SYN3: variants seen among roughly 807,000 people sequenced by gnomAD.
SYN3 encodes synapsin III, also known as synapsin-3.
A neutral mutation model predicts 65.8 loss-of-function variants in SYN3; 35 were observed. The observed-to-expected ratio is 0.53, with a 90% confidence interval of 0.41 to 0.70. The LOEUF is 0.70. SYN3 is among the 30% of genes least tolerant of loss of function. SYN3 has a pLI of 0.00. For missense variants in SYN3, 680 were observed against 749.0 expected, an observed-to-expected ratio of 0.91 and a Z score of 1.08; for synonymous variants, 270 against 292.9, an observed-to-expected ratio of 0.92 and a Z score of 0.80.
At chr22:32,569,317 AATCT>A (rs66672625) in intron 7 of SYN3, among the ~76,000 whole-genome samples, 39,717 of 140,820 alleles carry the variant, frequency 0.28, 5,642 homozygotes, top group Admixed American at 0.36. Context: ...ATCTATATAA[AATCT>A]ATCTATCTAT....
intron 6 of SYN3, among the ~76,000 whole-genome samples, chr22:32,636,622 T>G (rs1197252189): frequency 6.6e-6 from 1 of 152,182 alleles, no homozygotes; most frequent in Non-Finnish European, 1.5e-5. Flanking sequence ...TAATCATGGC[T>G]GAACACTCAG....
intron 6 of SYN3, among the ~76,000 whole-genome samples, chr22:32,831,681 C>A (rs984148799): frequency 1.3e-5 from 2 of 152,194 alleles, no homozygotes; most frequent in African/African-American, 4.8e-5. Context: ...GAGCAAAAGA[C>A]CTTACTTGGC....
chr22:32,851,987 A>G (rs960718156), intron 6 of SYN3, among the ~76,000 whole-genome samples: 1 of 152,180 alleles, frequency 6.6e-6, no homozygotes, highest in Non-Finnish European at 1.5e-5. Flanking sequence ...GTACTGTACT[A>G]TGAACTGGGG....
Position 32,527,928 on chromosome 22 carries a change from T to C in SYN3, c.1308A>G (p.Pro436=), listed in dbSNP as rs750947617. 1.9e-6 allele frequency: 3 copies of C among 1,577,066 alleles called. No homozygotes were observed. Among genetic ancestry groups the C allele is most frequent in the East Asian group, 2.3e-5 (1 of 42,782 alleles). The change falls in exon 12 of 14, where the codon CCA becomes CCG. Residue 436 remains proline (P), a synonymous_variant. Transcript: ENST00000358763. The part of the protein sequence containing the change: ...GPQLGQPQPR[P]PPQGGPRQAQ... ...CGTCCTGGGTCATACCTTGCGGAGGTGGGCGTGGCTGGGGCTGGCCTAGCT... is the reference window on the plus strand; with the variant it reads ...CGTCCTGGGTCATACCTTGCGGAGGCGGGCGTGGCTGGGGCTGGCCTAGCT...
chr22:32,703,684 T>G (rs1170651248), intron 6 of SYN3, among the ~76,000 whole-genome samples: 4 of 150,704 alleles, frequency 2.7e-5, no homozygotes, highest in Admixed American at 6.6e-5. Context: ...ATGTTCTAAG[T>G]CTCATCCAAA....
At position 32,758,609 on chromosome 22, in the gene SYN3, C is replaced by A. The variant is rs12628034; in HGVS notation, c.711+106306G>T. On this transcript the variant is annotated intron_variant, in intron 6 of 13. Coordinates refer to ENST00000358763, the MANE Select transcript of SYN3 (RefSeq NM_003490.4). ...AGTTTTGAGCCTCAGACTGGCTCTC[C>A]TTGCTCCTCAAGCTTGCAGACAGCC... 7.2e-4 allele frequency among the ~76,000 whole-genome samples: 102 copies of A among 141,392 alleles called. 1 individual carries two copies. The East Asian group carries it at 0.02, about 27-fold the overall frequency. The allele number at this position is 141,392 out of a possible 152,430, so 92.8% of individuals were successfully genotyped here.
intron 6 of SYN3, among the ~76,000 whole-genome samples, chr22:32,810,935 G>T (rs2046899800): frequency 6.6e-6 from 1 of 152,150 alleles, no homozygotes; most frequent in Non-Finnish European, 1.5e-5. Context: ...CTACTCCCAA[G>T]CTTGGGCAGG....
At chr22:33,001,774 G>A (rs1022905701) in intron 2 of SYN3, among the ~76,000 whole-genome samples, 1 of 152,114 alleles carries the variant, frequency 6.6e-6, no homozygotes, top group Non-Finnish European at 1.5e-5. Flanking sequence ...TTCCCATTTA[G>A]GTGCAGTAAT....
intron 1 of SYN3, among the ~76,000 whole-genome samples, chr22:33,024,896 C>T (rs1338695306): frequency 2.0e-5 from 3 of 152,304 alleles, no homozygotes; most frequent in East Asian, 3.9e-4. Context: ...TGAATTACTG[C>T]AGTCCTAAAG....
intron 13 of SYN3, chr22:32,514,732 CTG>C (rs1157513344): frequency 6.6e-6 from 1 of 152,334 alleles, no homozygotes; most frequent in African/African-American, 2.4e-5. Context: ...CTGCACCACA[CTG>C]TGCTGGGCGC....
At chr22:32,734,887 G>C (rs1219727519) in intron 6 of SYN3, among the ~76,000 whole-genome samples, 1 of 152,144 alleles carries the variant, frequency 6.6e-6, no homozygotes, top group Non-Finnish European at 1.5e-5. Flanking sequence ...TCTCAGGGTG[G>C]ATACAGTCTT....
At chr22:32,686,999 AGACCAGAACT>A (rs2060599582) in intron 6 of SYN3, among the ~76,000 whole-genome samples, 2 of 152,060 alleles carry the variant, frequency 1.3e-5, no homozygotes, top group Admixed American at 1.3e-4. Context: ...GTTGCTTCTC[AGACCAGAACT>A]GACCATTGCA....
At chr22:32,516,851 T>TCCTAAAC (rs1205658349) in intron 13 of SYN3, among the ~76,000 whole-genome samples, 66 of 152,240 alleles carry the variant, frequency 4.3e-4, no homozygotes, top group Non-Finnish European at 7.8e-4. Context: ...TAAGAAATAG[T>TCCTAAAC]TATTAACTCC....
Position 32,679,115 on chromosome 22 carries a change from C to T in SYN3, c.712-82379G>A, listed in dbSNP as rs1179686515. ...TCACCCAGGCTGGAGTGCAGTGGTG[C>T]GATCTTGGCTCACTGCAACCTCCGC... On this transcript the variant is annotated intron_variant, in intron 6 of 13. Transcript: ENST00000358763. 4.7e-5 allele frequency among the ~76,000 whole-genome samples: 6 copies of T among 128,190 alleles called. No individual in the cohort carries two copies. In the Admixed American group the frequency reaches 5.0e-4, roughly 11 times the overall value. The allele number at this position is 128,190 out of a possible 152,430, so 84.1% of individuals were successfully genotyped here. A position where few individuals can be genotyped will look rare whatever the true frequency, so the allele number is the denominator to read the frequency against.
At chr22:32,686,814 T>G (rs1258848372) in intron 6 of SYN3, among the ~76,000 whole-genome samples, 5 of 151,966 alleles carry the variant, frequency 3.3e-5, no homozygotes, top group African/African-American at 1.2e-4. Flanking sequence ...AGGCTGGTCT[T>G]GAACTCCTGA....
At chr22:32,533,744 C>T (rs754512720) in intron 10 of SYN3, 49 bp downstream of exon 10, 25 of 1,347,578 alleles carry the variant, frequency 1.9e-5, no homozygotes, top group South Asian at 4.7e-5. Flanking sequence ...CCCCCTGGCA[C>T]GCCTGCCAGG....
chr22:32,971,219 C>A (rs8135137), intron 3 of SYN3, among the ~76,000 whole-genome samples: 4,301 of 152,202 alleles, frequency 0.028, 215 homozygotes, highest in African/African-American at 0.097. Context: ...TAATCAATGC[C>A]ATGGTTAGGA....
chr22:32,517,009 T>A (rs2057789714), intron 13 of SYN3, among the ~76,000 whole-genome samples: 3 of 152,232 alleles, frequency 2.0e-5, no homozygotes, highest in Admixed American at 2.0e-4. Flanking sequence ...ACTTGGGACC[T>A]CTCTTTAGGA....
chr22:32,879,498 T>A (rs1376436988), intron 4 of SYN3, among the ~76,000 whole-genome samples: 1 of 152,158 alleles, frequency 6.6e-6, no homozygotes. Flanking sequence ...AGATGGCACA[T>A]TCTCATTGCG....
Sources: gnomAD v4.1 joint callset for allele counts (sites outside exome capture counted in the v4.1 genomes callset) on GRCh38, gnomAD v4.1.1 for gene constraint, MANE v1.5 for transcripts, NCBI Gene and HGNC (gene_info 2026-07-23, HGNC 2026-07-21) for gene names.